INTS13: variants seen among roughly 807,000 people sequenced by gnomAD.
INTS13 encodes the protein integrator complex subunit 13, also known as asunder, spermatogenesis regulator homolog (Drosphila).
A neutral mutation model predicts 90.2 loss-of-function variants in INTS13; 35 were observed. The ratio of observed to expected loss-of-function variants is 0.39; its 90% CI spans 0.30 to 0.51. The LOEUF (loss-of-function observed/expected upper bound fraction) is 0.51, where lower values mean the gene tolerates loss of function less well. Ranked by LOEUF, INTS13 falls within the 20% of genes least tolerant of loss-of-function variation. INTS13 has a pLI of 0.80. For synonymous variants in INTS13, 309 were observed against 277.1 expected, an observed-to-expected ratio of 1.11 and a Z score of -1.14; for missense variants, 601 against 851.2, an observed-to-expected ratio of 0.71 and a Z score of 3.66.
At chr12:26,909,832 A>G (rs1467909792) in intron 15 of INTS13, among the ~76,000 whole-genome samples, 3 of 152,226 alleles carry the variant, frequency 2.0e-5, no homozygotes, top group African/African-American at 4.8e-5. Flanking sequence ...TACATACACT[A>G]TAACAAGCAT....
rs1592189680 is a variant in INTS13 at position 26,905,549 on chromosome 12, G to GA, written c.2082-14dup. ...TGTTGTCTCCATCCTGAAATAGGAA[G>GA]AAAAAAACGAGTTGATAAAATAAAT... On this transcript the variant is annotated splice_polypyrimidine_tract_variant and intron_variant, in intron 16 of 16. Coordinates refer to ENST00000261191, the MANE Select transcript of INTS13 (RefSeq NM_018164.3). 6 of 1,605,630 alleles carry GA rather than the reference G, an allele frequency of 3.7e-6. No individual in the cohort carries two copies. The highest frequency in any genetic ancestry group is 1.7e-4 in the Middle Eastern group (1 of 6,008).
chr12:26,927,439 A>C (rs1180498812), intron 5 of INTS13, among the ~76,000 whole-genome samples: 2 of 152,216 alleles, frequency 1.3e-5, no homozygotes, highest in African/African-American at 4.8e-5. Flanking sequence ...ACATTTGATC[A>C]AAAGTACTAG....
intron 15 of INTS13, 117 bp from the exon 16 acceptor site, chr12:26,906,554 G>T: frequency 9.6e-7 from 1 of 1,040,696 alleles, no homozygotes; most frequent in Non-Finnish European, 1.4e-6. Flanking sequence ...AATTAAGGCA[G>T]TTAATTCTGT....
At chr12:26,924,095 A>G (rs1336929323) in intron 7 of INTS13, among the ~76,000 whole-genome samples, 2 of 152,192 alleles carry the variant, frequency 1.3e-5, no homozygotes, top group Non-Finnish European at 2.9e-5. Context: ...AGAAAATACG[A>G]TATGGGGAGA....
chr12:26,938,067 TC>T (rs771520985), upstream of INTS13: 1 of 152,020 alleles, frequency 6.6e-6, no homozygotes, highest in Non-Finnish European at 1.5e-5. Flanking sequence ...AAGCCTCCCT[TC>T]CCCCTCGTAG....
intron 3 of INTS13, among the ~76,000 whole-genome samples, chr12:26,930,054 A>T (rs1243121548): frequency 6.6e-6 from 1 of 152,220 alleles, no homozygotes; most frequent in Non-Finnish European, 1.5e-5. Context: ...TAAATTTTTT[A>T]AAATCCCACT....
At position 26,928,393 on chromosome 12, in the gene INTS13, C is replaced by G. The variant is rs1274230559; in HGVS notation, c.504-108G>C. On this transcript the variant is annotated intron_variant, in intron 4 of 16. Transcript: ENST00000261191. Reference sequence around the variant, plus strand: ...GTGTTATAGACATTTAAAGTTACTTCACTAAGGACTATCTTTAGTGTGCTA... The same window carrying G: ...GTGTTATAGACATTTAAAGTTACTTGACTAAGGACTATCTTTAGTGTGCTA... 6.9e-6 allele frequency: 6 copies of G among 868,932 alleles called. No individual in the cohort carries two copies. The African/African-American group carries it at 1.0e-4, about 15-fold the overall frequency. The allele number at this position is 868,932 out of a possible 1,614,324, so 53.8% of individuals were successfully genotyped here. A position where few individuals can be genotyped will look rare whatever the true frequency, so the allele number is the denominator to read the frequency against.
intron 15 of INTS13, 141 bp from the exon 16 acceptor site, chr12:26,906,578 C>G (rs1032729456): frequency 3.4e-6 from 3 of 893,990 alleles, no homozygotes; most frequent in African/African-American, 3.4e-5. Flanking sequence ...TCATTTTACA[C>G]GATTAAGGCA....
intron 2 of INTS13, among the ~76,000 whole-genome samples, chr12:26,935,777 T>C (rs1190039634): frequency 6.6e-6 from 1 of 152,238 alleles, no homozygotes; most frequent in East Asian, 1.9e-4. Flanking sequence ...TATCAGACTA[T>C]GTTCACCTTT....
chr12:26,930,130 G>C (rs1189110727), intron 3 of INTS13, among the ~76,000 whole-genome samples: 1 of 152,052 alleles, frequency 6.6e-6, no homozygotes, highest in African/African-American at 2.4e-5. Context: ...CTTATACTCT[G>C]AAAACAACAA....
In INTS13 at chr12:26,936,669, G is replaced by A. The variant is rs771046535; in HGVS notation, c.135C>T (p.Ala45=). 62 of 1,613,262 alleles carry A rather than the reference G, an allele frequency of 3.8e-5. No individual in the cohort carries two copies. Among genetic ancestry groups the A allele is most frequent in the Non-Finnish European group, 5.0e-5 (59 of 1,179,422 alleles). Reference sequence around the variant, plus strand: ...AAGTCCACAATGATTTAGATATGGGGGCCAAAGGAATGATTCCTTGGGTTC... The same window carrying A: ...AAGTCCACAATGATTTAGATATGGGAGCCAAAGGAATGATTCCTTGGGTTC... ...KNRTQGIIPL[A]PISKSLWTCS... is the part of the protein sequence containing the mutation. Residue 45 remains alanine, a synonymous_variant, in exon 2 of 17, where the codon GCC becomes GCT. Coordinates refer to ENST00000261191, the MANE Select transcript of INTS13 (RefSeq NM_018164.3).
chr12:26,936,857 A>G, intron 1 of INTS13, 43 bp from the exon 2 acceptor site: 1 of 1,287,158 alleles, frequency 7.8e-7, no homozygotes. Flanking sequence ...TGTACATAAC[A>G]TCTTACATTT....
Position 26,934,587 on chromosome 12 carries a change from G to A in INTS13, c.269C>T (p.Ser90Phe). ...VSDSGAHVLNSWTQEDQNLQE... is the reference protein window; with the variant it reads ...VSDSGAHVLNFWTQEDQNLQE... ...TAAATTTTGGTCTTCTTGAGTCCAAGAATTTAAAACATGTGCTCCAGAGTC... is the reference window on the plus strand; with the variant it reads ...TAAATTTTGGTCTTCTTGAGTCCAAAAATTTAAAACATGTGCTCCAGAGTC... Residue 90 changes from serine (S) to phenylalanine (F), a missense_variant, in exon 3 of 17, where the codon TCT becomes TTT. Physicochemically the swap from Ser to Phe is radical, Grantham distance 155. Transcript: ENST00000261191. 1 of 1,613,576 alleles carries A rather than the reference G, an allele frequency of 6.2e-7. No homozygotes were observed. The highest frequency in any genetic ancestry group is 8.5e-7 in the Non-Finnish European group (1 of 1,179,676).
chr12:26,934,044 G>A (rs752339009), intron 3 of INTS13, among the ~76,000 whole-genome samples: 3 of 152,136 alleles, frequency 2.0e-5, no homozygotes, highest in Non-Finnish European at 4.4e-5. Context: ...AAGGGGACAG[G>A]CATTAGACAT....
intron 2 of INTS13, among the ~76,000 whole-genome samples, chr12:26,934,845 T>C (rs708160): frequency 0.52 from 78,495 of 152,032 alleles, 20,705 homozygotes; most frequent in East Asian, 0.79. Flanking sequence ...ACTCACAATG[T>C]GGGGAAAGTC....
At chr12:26,912,797 G>A (rs1016500130) in intron 14 of INTS13, among the ~76,000 whole-genome samples, 2 of 151,400 alleles carry the variant, frequency 1.3e-5, no homozygotes, top group Non-Finnish European at 2.9e-5. Flanking sequence ...GAGGAATCTC[G>A]GCTCACAGCA....
chr12:26,928,174 C>A, intron 5 of INTS13, 31 bp downstream of exon 5: 1 of 1,472,810 alleles, frequency 6.8e-7, no homozygotes, highest in Non-Finnish European at 9.5e-7. Context: ...TCCACATGAA[C>A]ATATTTATTT....
intron 3 of INTS13, chr12:26,929,132 T>TATCAA: frequency 4.2e-6 from 2 of 476,084 alleles, no homozygotes; most frequent in Non-Finnish European, 7.5e-6. Flanking sequence ...ATATCAATTA[T>TATCAA]TACAATACAT....
At chr12:26,906,578 C>A in intron 15 of INTS13, 141 bp from the exon 16 acceptor site, 2 of 894,108 alleles carry the variant, frequency 2.2e-6, no homozygotes, top group Non-Finnish European at 3.4e-6. Flanking sequence ...TCATTTTACA[C>A]GATTAAGGCA....
Sources: allele counts gnomAD v4.1 joint callset (sites outside exome capture counted in the v4.1 genomes callset), GRCh38; gene constraint gnomAD v4.1.1; transcripts MANE v1.5; gene names NCBI Gene and HGNC (gene_info 2026-07-23, HGNC 2026-07-21).